The following TRIO variants were observed in gnomAD, a reference collection of about 807,000 sequenced individuals.
TRIO encodes the protein triple functional domain protein.
In TRIO, 58 loss-of-function variants were observed where a neutral mutation model predicts 351.9. That is an observed-to-expected ratio of 0.16 (90% CI 0.13 to 0.21). The LOEUF (loss-of-function observed/expected upper bound fraction) is 0.21, where lower values mean the gene tolerates loss of function less well. Ranked by LOEUF, TRIO falls within the 10% of genes least tolerant of loss-of-function variation. TRIO has a pLI of 1.00. For missense variants in TRIO, 3,201 were observed against 4,027.8 expected, an observed-to-expected ratio of 0.79 and a Z score of 5.56; for synonymous variants, 1,758 against 1,595.7, an observed-to-expected ratio of 1.10 and a Z score of -2.42.
At chr5:14,450,132 C>G (rs1007902577) in intron 34 of TRIO, among the ~76,000 whole-genome samples, 3 of 152,100 alleles carry the variant, frequency 2.0e-5, no homozygotes, top group African/African-American at 7.2e-5. Context: ...CATGTGACTT[C>G]CGTTGGCTTG....
At chr5:14,268,771 T>G (rs943957609) in intron 1 of TRIO, among the ~76,000 whole-genome samples, 3 of 152,220 alleles carry the variant, frequency 2.0e-5, no homozygotes, top group African/African-American at 7.2e-5. Flanking sequence ...TATAGGTGTT[T>G]GTCAGCTTGT....
At position 14,462,930 on chromosome 5, in the gene TRIO, A is replaced by G. The variant is rs750372812; in HGVS notation, c.5667+5A>G. 1.3e-6 allele frequency: 2 copies of G among 1,577,274 alleles called. No individual in the cohort carries two copies. The highest frequency in any genetic ancestry group is 1.7e-6 in the Non-Finnish European group (2 of 1,163,146). ...CCAGACTCACAGGATGACAAGGTAA[A>G]GGGGGATGAGGGCTGGGGAATCCAT... On this transcript the variant is annotated splice_donor_5th_base_variant and intron_variant, in intron 36 of 56. Transcript: ENST00000344204.
chr5:14,259,095 C>T (rs953247070), intron 1 of TRIO, among the ~76,000 whole-genome samples: 1 of 152,206 alleles, frequency 6.6e-6, no homozygotes, highest in Non-Finnish European at 1.5e-5. Flanking sequence ...TGAGGCTTCC[C>T]TCTGCCGGGT....
chr5:14,210,123 G>T (rs1235035081), intron 1 of TRIO, among the ~76,000 whole-genome samples: 2 of 152,248 alleles, frequency 1.3e-5, no homozygotes, highest in African/African-American at 4.8e-5. Context: ...GGGGGAGTCA[G>T]ATGGAGGAGC....
chr5:14,210,886 C>T (rs183778713), intron 1 of TRIO, among the ~76,000 whole-genome samples: 1 of 152,206 alleles, frequency 6.6e-6, no homozygotes, highest in Non-Finnish European at 1.5e-5. Context: ...TTGTCCTACC[C>T]TCCACTCCCT....
In TRIO at chr5:14,350,672, C is replaced by A. The variant is rs75134349; in HGVS notation, c.2047-7506C>A. 5.8e-3 allele frequency among the ~76,000 whole-genome samples: 889 copies of A among 152,304 alleles called. 10 individuals carry two copies. Among genetic ancestry groups the A allele is most frequent in the African/African-American group, 0.02 (827 of 41,562 alleles). On this transcript the variant is annotated intron_variant, in intron 11 of 56. Coordinates refer to ENST00000344204, the MANE Select transcript of TRIO (RefSeq NM_007118.4). ...CTGCCCTGAATATGCCCCTGTGTTT[C>A]TTCTGCTTTTTCCTCCTTTCTTACA...
At chr5:14,377,060 A>G (rs1358401656) in intron 19 of TRIO, among the ~76,000 whole-genome samples, 1 of 151,838 alleles carries the variant, frequency 6.6e-6, no homozygotes, top group Non-Finnish European at 1.5e-5. Flanking sequence ...ATTCTATGTC[A>G]TATGTTCCCA....
At chr5:14,377,465 C>T (rs1191699326) in intron 19 of TRIO, among the ~76,000 whole-genome samples, 1 of 152,070 alleles carries the variant, frequency 6.6e-6, no homozygotes, top group African/African-American at 2.4e-5. Flanking sequence ...AGGCTGGTCT[C>T]AGACTCCTGA....
At position 14,157,952 on chromosome 5, in the gene TRIO, C is replaced by G. The variant is rs112808714; in HGVS notation, c.157+14070C>G. Among the ~76,000 whole-genome samples the G allele has an allele frequency of 9.5e-4, 145 of 152,152 alleles. 1 individual carries two copies. Among genetic ancestry groups the G allele is most frequent in the African/African-American group, 3.4e-3 (141 of 41,502 alleles). ...TACGTCGCTGACTTGGGGAGACAGT[C>G]TCAGTTTCATATATTATGTTCTGTA... On this transcript the variant is annotated intron_variant, in intron 1 of 56. Coordinates refer to ENST00000344204, the MANE Select transcript of TRIO (RefSeq NM_007118.4).
At chr5:14,290,634 T>C (rs1736825465) in intron 4 of TRIO, 82 bp from the exon 5 acceptor site, 1 of 1,398,962 alleles carries the variant, frequency 7.1e-7, no homozygotes, top group Non-Finnish European at 9.6e-7. Context: ...TGAAAACCTG[T>C]GACTGAGCAT....
intron 1 of TRIO, among the ~76,000 whole-genome samples, chr5:14,179,524 A>G (rs1789619704): frequency 6.6e-6 from 1 of 151,824 alleles, no homozygotes; most frequent in African/African-American, 2.4e-5. Context: ...CAGTGGCACA[A>G]TCACGGCTCA....
intron 48 of TRIO, chr5:14,489,072 G>A (rs1164246773): frequency 1.3e-6 from 1 of 765,028 alleles, no homozygotes; most frequent in Non-Finnish European, 2.4e-6. Flanking sequence ...AGGCATGCGT[G>A]AGTGAATAGA....
intron 33 of TRIO, among the ~76,000 whole-genome samples, chr5:14,414,394 G>A (rs183677233): frequency 7.9e-5 from 12 of 152,286 alleles, no homozygotes; most frequent in East Asian, 3.9e-4. Context: ...AAATGCAGCC[G>A]TTTTTCATCC....
At chr5:14,249,849 A>G (rs1238998389) in intron 1 of TRIO, among the ~76,000 whole-genome samples, 2 of 152,214 alleles carry the variant, frequency 1.3e-5, no homozygotes, top group Admixed American at 1.3e-4. Flanking sequence ...GAGACAAAGT[A>G]TAAATCACCC....
At chr5:14,482,839 T>G (rs377456180) in intron 46 of TRIO, 66 bp downstream of exon 46, 57 of 1,358,856 alleles carry the variant, frequency 4.2e-5, no homozygotes, top group Non-Finnish European at 4.9e-5. Flanking sequence ...ATACACTGTT[T>G]CCTTTTAATG....
At chr5:14,456,352 A>G (rs974095892) in intron 34 of TRIO, among the ~76,000 whole-genome samples, 6 of 152,254 alleles carry the variant, frequency 3.9e-5, no homozygotes, top group African/African-American at 1.2e-4. Context: ...GGGCTCCTCA[A>G]GCGTGGCCAG....
intron 1 of TRIO, among the ~76,000 whole-genome samples, chr5:14,237,559 CAT>C (rs977565927): frequency 3.9e-4 from 59 of 152,196 alleles, no homozygotes; most frequent in African/African-American, 1.4e-3. Flanking sequence ...TGTTTGGGCA[CAT>C]GTGTCGTGCG....
At chr5:14,402,767 C>G (rs1268296981) in intron 31 of TRIO, among the ~76,000 whole-genome samples, 1 of 150,470 alleles carries the variant, frequency 6.6e-6, no homozygotes, top group African/African-American at 2.4e-5. Flanking sequence ...GTGGCATAGA[C>G]TTTGGTGGTG....
chr5:14,148,392 T>G (rs1224614642), intron 1 of TRIO, among the ~76,000 whole-genome samples: 4 of 152,210 alleles, frequency 2.6e-5, no homozygotes, highest in Non-Finnish European at 5.9e-5. Context: ...TTACTTTGTT[T>G]ATTTACTTGA....
Sources: gnomAD v4.1 joint callset for allele counts (sites outside exome capture counted in the v4.1 genomes callset) on GRCh38, gnomAD v4.1.1 for gene constraint, MANE v1.5 for transcripts, NCBI Gene and HGNC (gene_info 2026-07-23, HGNC 2026-07-21) for gene names.